The following GMDS variants were observed in gnomAD, a reference collection of about 807,000 sequenced individuals.
The protein encoded by GMDS is GDP-mannose 4,6 dehydratase.
GMDS carries 20 observed loss-of-function variants against 49.9 expected under a neutral mutation model. The ratio of observed to expected loss-of-function variants is 0.40; its 90% CI spans 0.28 to 0.58. The LOEUF (loss-of-function observed/expected upper bound fraction) is 0.58. Among genes scored for constraint, GMDS ranks in the 20% least tolerant of loss-of-function variants. The pLI is 0.42. For synonymous variants in GMDS, 177 were observed against 178.6 expected (o/e 0.99, Z 0.07); for missense variants, 362 against 481.4 (o/e 0.75, Z 2.32).
chr6:1,724,218 G>C (rs148433238), intron 9 of GMDS, among the ~76,000 whole-genome samples: 1 of 152,194 alleles, frequency 6.6e-6, no homozygotes, highest in Non-Finnish European at 1.5e-5. Flanking sequence ...GAGCCAAATC[G>C]GTGGAAAAAT....
intron 7 of GMDS, among the ~76,000 whole-genome samples, chr6:1,929,454 G>A (rs955866620): frequency 3.9e-5 from 6 of 152,188 alleles, no homozygotes; most frequent in South Asian, 2.1e-4. Flanking sequence ...TACTACTTGC[G>A]TATGTAATAT....
At chr6:1,714,257 A>C (rs1246424668) in intron 9 of GMDS, among the ~76,000 whole-genome samples, 1 of 152,144 alleles carries the variant, frequency 6.6e-6, no homozygotes, top group African/African-American at 2.4e-5. Context: ...TGACCTCGTG[A>C]TCCACCTGCC....
chr6:1,860,513 A>C (rs989564269), intron 7 of GMDS, among the ~76,000 whole-genome samples: 5 of 152,186 alleles, frequency 3.3e-5, no homozygotes, highest in African/African-American at 4.8e-5. Context: ...ATTTTGTGCA[A>C]GATGGATTGT....
intron 8 of GMDS, among the ~76,000 whole-genome samples, chr6:1,739,926 G>A (rs1367905087): frequency 2.6e-5 from 4 of 152,164 alleles, no homozygotes; most frequent in Non-Finnish European, 4.4e-5. Flanking sequence ...GTACTAAACA[G>A]TTTCACTATG....
chr6:1,821,553 T>G (rs998100226), intron 7 of GMDS, among the ~76,000 whole-genome samples: 2 of 151,556 alleles, frequency 1.3e-5, no homozygotes, highest in South Asian at 4.2e-4. Context: ...CCAAACGTTT[T>G]AATATATAAA....
At chr6:1,666,423 C>T (rs34826710) in intron 9 of GMDS, among the ~76,000 whole-genome samples, 14,740 of 152,190 alleles carry the variant, frequency 0.097, 943 homozygotes, top group Admixed American at 0.21. Flanking sequence ...AGCCCTGACC[C>T]TTCCTCTACC....
chr6:1,854,443 T>C (rs1757854059), intron 7 of GMDS, among the ~76,000 whole-genome samples: 1 of 152,188 alleles, frequency 6.6e-6, no homozygotes, highest in South Asian at 2.1e-4. Flanking sequence ...TCCAGCACTA[T>C]TTAGCTCCTA....
chr6:1,884,568 C>T (rs1393424418), intron 7 of GMDS, among the ~76,000 whole-genome samples: 1 of 152,232 alleles, frequency 6.6e-6, no homozygotes, highest in Non-Finnish European at 1.5e-5. Context: ...ACACAGTCCA[C>T]AGGCCTGCCA....
intron 6 of GMDS, among the ~76,000 whole-genome samples, chr6:1,948,789 T>A (rs1763204987): frequency 6.6e-6 from 1 of 152,236 alleles, no homozygotes; most frequent in Non-Finnish European, 1.5e-5. Context: ...AAATGTTAAC[T>A]GGTTTACCTG....
Position 2,216,584 on chromosome 6 carries a change from G to C in GMDS, c.102+28737C>G, listed in dbSNP as rs904398409. ...ACTTCAGTTAAAGAGGTCTGAGCTGGTGTGGCAGCACGCACCTGCAGTCTC... is the reference window on the plus strand; with the variant it reads ...ACTTCAGTTAAAGAGGTCTGAGCTGCTGTGGCAGCACGCACCTGCAGTCTC... On this transcript the variant is annotated intron_variant, in intron 1 of 10. Transcript: ENST00000380815. Among the ~76,000 whole-genome samples the C allele has an allele frequency of 3.9e-5, 6 of 152,210 alleles. No individual in the cohort carries two copies. The East Asian group carries it at 1.2e-3, about 29-fold the overall frequency.
At chr6:2,209,570 T>TACACAC (rs61216869) in intron 1 of GMDS, among the ~76,000 whole-genome samples, 16,493 of 135,636 alleles carry the variant, frequency 0.12, 934 homozygotes, top group South Asian at 0.19. Context: ...CACATACACA[T>TACACAC]ACACACACAC....
At chr6:1,860,653 T>C (rs941805401) in intron 7 of GMDS, among the ~76,000 whole-genome samples, 2 of 152,196 alleles carry the variant, frequency 1.3e-5, no homozygotes, top group Non-Finnish European at 2.9e-5. Flanking sequence ...ATGGCTGATA[T>C]TCTCCACCAA....
chr6:1,729,087 C>T (rs907232978), intron 8 of GMDS, among the ~76,000 whole-genome samples: 1 of 152,154 alleles, frequency 6.6e-6, no homozygotes, highest in Non-Finnish European at 1.5e-5. Flanking sequence ...TGAAGGAAAG[C>T]ATTTAATTCC....
chr6:1,677,838 C>T (rs989643567), intron 9 of GMDS, among the ~76,000 whole-genome samples: 1 of 151,252 alleles, frequency 6.6e-6, no homozygotes, highest in African/African-American at 2.4e-5. Flanking sequence ...GGAGATATAC[C>T]TAATGTAAAT....
chr6:2,202,433 CTATTT>C (rs748252609), intron 1 of GMDS, among the ~76,000 whole-genome samples: 2 of 147,762 alleles, frequency 1.4e-5, no homozygotes, highest in Admixed American at 6.8e-5. Flanking sequence ...CAATTTCTTT[CTATTT>C]TTTTTTTTTT....
At chr6:2,075,482 C>T (rs1171872772) in intron 4 of GMDS, among the ~76,000 whole-genome samples, 1 of 152,120 alleles carries the variant, frequency 6.6e-6, no homozygotes, top group African/African-American at 2.4e-5. Flanking sequence ...TGTTCAATTC[C>T]CACCTATGAG....
Position 1,827,903 on chromosome 6 carries a change from A to C in GMDS, c.772-85317T>G, listed in dbSNP as rs138942339. ...TTCAACAACAATGGAAAAATAAGAC[A>C]TAGAAAGGAAAAGGAAAGTACAGAG... On this transcript the variant is annotated intron_variant, in intron 7 of 10. Transcript: ENST00000380815. Among the ~76,000 whole-genome samples, 3 of 152,306 alleles carry C rather than the reference A, an allele frequency of 2.0e-5. No individual in the cohort carries two copies. The East Asian group carries it at 5.8e-4, about 29-fold the overall frequency.
chr6:2,238,294 G>C (rs1262359401), intron 1 of GMDS, among the ~76,000 whole-genome samples: 1 of 151,600 alleles, frequency 6.6e-6, no homozygotes, highest in Non-Finnish European at 1.5e-5. Context: ...GAAGCAGGAG[G>C]ATCACCTGAG....
intron 1 of GMDS, among the ~76,000 whole-genome samples, chr6:2,241,760 T>G (rs1339952894): frequency 6.6e-6 from 1 of 152,234 alleles, no homozygotes; most frequent in Admixed American, 6.5e-5. Flanking sequence ...GCTGGTGCCA[T>G]GCTTCTTGTA....
Sources: allele counts gnomAD v4.1 joint callset (sites outside exome capture counted in the v4.1 genomes callset), GRCh38; gene constraint gnomAD v4.1.1; transcripts MANE v1.5; gene names NCBI Gene and HGNC (gene_info 2026-07-23, HGNC 2026-07-21).